The following ADCY1 variants were observed in gnomAD, a reference collection of about 807,000 sequenced individuals.
ADCY1 encodes adenylate cyclase type 1.
Under a neutral mutation model 105.4 loss-of-function variants are expected in ADCY1, and 28 were observed. The observed-to-expected ratio is 0.27, with a 90% confidence interval of 0.20 to 0.36. The LOEUF (loss-of-function observed/expected upper bound fraction) is 0.36, where lower values mean the gene tolerates loss of function less well. ADCY1 is among the 10% of genes least tolerant of loss of function. The pLI is 1.00. For synonymous variants in ADCY1, 655 were observed against 623.8 expected, an observed-to-expected ratio of 1.05 and a Z score of -0.75; for missense variants, 977 against 1,434.2, an observed-to-expected ratio of 0.68 and a Z score of 5.15.
At chr7:45,669,027 CTTT>C (rs1414407227) in intron 8 of ADCY1, among the ~76,000 whole-genome samples, 3 of 152,040 alleles carry the variant, frequency 2.0e-5, no homozygotes, top group African/African-American at 7.2e-5. Flanking sequence ...CTCTTTTCTT[CTTT>C]ATTAGTCTTG....
At chr7:45,707,332 A>C (rs1023884259) in intron 17 of ADCY1, among the ~76,000 whole-genome samples, 1 of 152,250 alleles carries the variant, frequency 6.6e-6, no homozygotes, top group Non-Finnish European at 1.5e-5. Flanking sequence ...TATATCCATA[A>C]GGTAGAATAT....
intron 4 of ADCY1, among the ~76,000 whole-genome samples, chr7:45,633,071 C>T (rs1794302461): frequency 6.6e-6 from 1 of 152,064 alleles, no homozygotes; most frequent in African/African-American, 2.4e-5. Context: ...GCACACACCA[C>T]CATGCCTGGC....
rs561972733 is a variant in ADCY1 at position 45,592,883 on chromosome 7, G to C, written c.764G>C (p.Arg255Thr). Residue 255 changes from arginine (R) to threonine (T), a missense_variant, in exon 2 of 20, where the codon AGG (arginine) becomes ACG (threonine). Physicochemically the swap from Arg to Thr is moderately conservative, Grantham distance 71 (BLOSUM62 -1). This residue lies in a region of ADCY1 where 196 missense variants were observed against 347.8 expected (regional missense o/e 0.56). Coordinates refer to ENST00000297323, the MANE Select transcript of ADCY1 (RefSeq NM_021116.4). ...CGGAGCTGCATTGAGGACCGACTGA[G>C]GCTGGAGGATGAGAACGAGAAGCAG... ...QARSCIEDRL[R>T]LEDENEKQER... The C allele has an allele frequency of 6.2e-7, 1 of 1,614,216 alleles. No homozygotes were observed. The highest frequency in any genetic ancestry group is 8.5e-7 in the Non-Finnish European group (1 of 1,180,046).
chr7:45,655,625 C>A lies in ADCY1; in HGVS notation c.1149-2102C>A, dbSNP rs529545168. 7.6e-4 allele frequency among the ~76,000 whole-genome samples: 115 copies of A among 152,290 alleles called. 1 individual carries two copies. The highest frequency in any genetic ancestry group is 7.3e-3 in the South Asian group (35 of 4,826). On this transcript the variant is annotated intron_variant, in intron 5 of 19. Coordinates refer to ENST00000297323, the MANE Select transcript of ADCY1 (RefSeq NM_021116.4). The stretch of plus-strand genomic sequence containing the variant: ...ATCTGATGTTACCAAGAATTGAGAT[C>A]TTTGAGGCAGAACCGACTGGGAAAG...
chr7:45,689,066 T>A (rs1440518914), intron 14 of ADCY1, among the ~76,000 whole-genome samples: 1 of 150,646 alleles, frequency 6.6e-6, no homozygotes, highest in Non-Finnish European at 1.5e-5. Context: ...GTGGGGAAGA[T>A]CCAGATTCCT....
At position 45,703,420 on chromosome 7, in the gene ADCY1, C is replaced by T. The variant is rs1562731600; in HGVS notation, c.2499C>T (p.Asn833=). Reference sequence around the variant, plus strand: ...ACATGGAGAAGGTGAAGCTGGACAACAGGCGCATCCTCTTCAACCTCCTGC... The same window carrying T: ...ACATGGAGAAGGTGAAGCTGGACAATAGGCGCATCCTCTTCAACCTCCTGC... ...REDMEKVKLD[N]RRILFNLLPA... The change falls in exon 15 of 20, where the codon AAC becomes AAT. Residue 833 remains asparagine, a synonymous_variant. Transcript: ENST00000297323. The surrounding 1 kb of genome is among the most constrained non-coding windows in gnomAD (Gnocchi z 5.9). The T allele has an allele frequency of 6.2e-7, 1 of 1,614,102 alleles. No homozygotes were observed. The highest frequency in any genetic ancestry group is 1.3e-5 in the African/African-American group (1 of 75,010).
intron 3 of ADCY1, among the ~76,000 whole-genome samples, chr7:45,617,456 C>A (rs1410595766): frequency 6.6e-6 from 1 of 152,172 alleles, no homozygotes. Context: ...GATGTGTTTA[C>A]CCCATCTGCT....
In ADCY1 at chr7:45,574,945, G is replaced by T. The variant is rs756854830; in HGVS notation, c.402G>T (p.Ala134=). ...CGCTGCTCTTCAGCCTCACCTTCGC[G>T]CTGCTCTGCTGTCCTTTCGCGCTGG... ...QLALLFSLTF[A]LLCCPFALGG... The change falls in exon 1 of 20, where the codon GCG becomes GCT. Residue 134 remains alanine, a synonymous_variant. Coordinates refer to ENST00000297323, the MANE Select transcript of ADCY1 (RefSeq NM_021116.4). This position sits in a 1 kb window ranked among gnomAD's most constrained non-coding sequence, Gnocchi z 7.0. 1 of 1,611,968 alleles carries T rather than the reference G, an allele frequency of 6.2e-7. No individual in the cohort carries two copies. The highest frequency in any genetic ancestry group is 1.1e-5 in the South Asian group (1 of 91,058).
intron 3 of ADCY1, among the ~76,000 whole-genome samples, chr7:45,616,710 A>G (rs1032711994): frequency 1.3e-5 from 2 of 152,242 alleles, no homozygotes; most frequent in African/African-American, 2.4e-5. Flanking sequence ...CTATGATCAT[A>G]CTCAATGATG....
intron 4 of ADCY1, among the ~76,000 whole-genome samples, chr7:45,629,534 C>T (rs932807008): frequency 5.0e-4 from 68 of 135,120 alleles, no homozygotes; most frequent in Admixed American, 1.5e-3. Flanking sequence ...TTTTTTGAGA[C>T]GGAGTCTCGC....
chr7:45,584,930 G>A (rs1347640717), intron 1 of ADCY1, among the ~76,000 whole-genome samples: 1 of 152,260 alleles, frequency 6.6e-6, no homozygotes, highest in East Asian at 1.9e-4. Context: ...TTGCAGGCCT[G>A]TGCCGGGAGT....
intron 2 of ADCY1, among the ~76,000 whole-genome samples, chr7:45,593,638 C>T (rs1792989923): frequency 6.6e-6 from 1 of 152,222 alleles, no homozygotes; most frequent in African/African-American, 2.4e-5. Flanking sequence ...CTGGAAGGAT[C>T]TAGATTCTTC....
chr7:45,697,539 C>T (rs548766082), intron 14 of ADCY1, among the ~76,000 whole-genome samples: 63 of 152,186 alleles, frequency 4.1e-4, no homozygotes, highest in South Asian at 1.5e-3. Flanking sequence ...TACAGGCATG[C>T]GCCACCACGC....
chr7:45,592,574 C>T (rs536455093), intron 1 of ADCY1, among the ~76,000 whole-genome samples, 185 bp from the exon 2 acceptor site: 4 of 152,322 alleles, frequency 2.6e-5, no homozygotes, highest in African/African-American at 7.2e-5. Context: ...GTCTCACAGC[C>T]GCCCGGACAG....
At position 45,716,531 on chromosome 7, in the gene ADCY1, TC is replaced by T; in HGVS notation, c.*2541del. On this transcript the variant is annotated 3_prime_UTR_variant, in exon 20 of 20. Coordinates refer to ENST00000297323, the MANE Select transcript of ADCY1 (RefSeq NM_021116.4). ...TGGTGGTGAGTGTGGCTGCCCTGGC[TC>T]CCCCAGCTCACCGTGGTGCTGTCCT... 1 of 153,054 alleles carries T rather than the reference TC, an allele frequency of 6.5e-6. No individual in the cohort carries two copies. The highest frequency in any genetic ancestry group is 1.5e-5 in the Non-Finnish European group (1 of 68,698). 9.5% of individuals were successfully genotyped at this position (153,054 alleles called of 1,614,324 possible).
rs1420914625 is a variant in ADCY1, at chr7:45,575,000, G to T, written c.457G>T (p.Ala153Ser). ...GGPARGSAGA[A>S]GGPATAEQGV... is the part of the protein sequence containing the mutation. ...CCCCGCCCGGGGTTCCGCCGGGGCCGCTGGGGGGCCAGCGACCGCCGAACA... is the reference window on the plus strand; with the variant it reads ...CCCCGCCCGGGGTTCCGCCGGGGCCTCTGGGGGGCCAGCGACCGCCGAACA... Residue 153 changes from alanine (A) to serine (S), a missense_variant, in exon 1 of 20, where the codon GCT becomes TCT. Around this residue, in one of 7 missense-constraint regions of ADCY1, gnomAD observed 209 missense variants for 222.5 expected, o/e 0.94. Coordinates refer to ENST00000297323, the MANE Select transcript of ADCY1 (RefSeq NM_021116.4). This position sits in a 1 kb window ranked among gnomAD's most constrained non-coding sequence, Gnocchi z 7.0. 2.5e-6 allele frequency: 4 copies of T among 1,611,032 alleles called. No individual in the cohort carries two copies. The highest frequency in any genetic ancestry group is 3.4e-6 in the Non-Finnish European group (4 of 1,179,086).
intron 1 of ADCY1, among the ~76,000 whole-genome samples, chr7:45,587,029 T>C (rs1210610215): frequency 6.6e-6 from 1 of 152,248 alleles, no homozygotes; most frequent in Non-Finnish European, 1.5e-5. Context: ...CCACCCAGGC[T>C]GAGAGACTGT....
intron 4 of ADCY1, among the ~76,000 whole-genome samples, chr7:45,628,206 C>T (rs1235520293): frequency 6.6e-6 from 1 of 152,210 alleles, no homozygotes; most frequent in Non-Finnish European, 1.5e-5. Flanking sequence ...CTCTCTAAAG[C>T]TTGTGCTCGT....
chr7:45,678,714 CAA>C (rs35743607), intron 10 of ADCY1, among the ~76,000 whole-genome samples: 11 of 96,434 alleles, frequency 1.1e-4, no homozygotes, highest in Admixed American at 2.3e-4. Flanking sequence ...ACTCTATCTA[CAA>C]AAAAAAAAAA....
Sources: gnomAD v4.1 joint callset for allele counts (sites outside exome capture counted in the v4.1 genomes callset) on GRCh38, gnomAD v4.1.1 for gene constraint, gnomAD v4.1.1 regional missense constraint, Gnocchi (gnomAD v3.1) non-coding constraint, MANE v1.5 for transcripts, NCBI Gene and HGNC (gene_info 2026-07-23, HGNC 2026-07-21) for gene names.